Variants in CCDC149 observed in about 807,000 individuals in gnomAD.
CCDC149 encodes coiled-coil domain-containing protein 149.
A neutral mutation model predicts 59.9 loss-of-function variants in CCDC149; 45 were observed. The ratio of observed to expected loss-of-function variants is 0.75; its 90% CI spans 0.59 to 0.96. CCDC149 has a LOEUF of 0.96. Among genes scored for constraint, CCDC149 ranks in the 40% least tolerant of loss-of-function variants. The pLI is 0.00. For synonymous variants in CCDC149, 245 were observed against 260.6 expected (o/e 0.94, Z 0.58); for missense variants, 584 against 664.7 (o/e 0.88, Z 1.33).
exon 1 of CCDC149, chr4:24,980,142 G>C (rs150581732): frequency 2.7e-3 from 416 of 152,336 alleles, no homozygotes; most frequent in African/African-American, 9.5e-3. Flanking sequence ...TTTAAGCGTA[G>C]CATTTTGAGA....
Position 24,879,684 on chromosome 4 carries a change from C to CAA in CCDC149, c.64-2989_64-2988dup, listed in dbSNP as rs34829658. Among the ~76,000 whole-genome samples the CAA allele has an allele frequency of 9.2e-5, 12 of 130,416 alleles. No individual in the cohort carries two copies. The East Asian group carries it at 2.0e-3, about 21-fold the overall frequency. The allele number at this position is 130,416 out of a possible 152,430, so 85.6% of individuals were successfully genotyped here. On this transcript the variant is annotated intron_variant, in intron 1 of 12. Coordinates refer to ENST00000635206, the MANE Select transcript of CCDC149 (RefSeq NM_001330643.2). ...TGGGTGACAGCATAAGACTCCATCTCAAAAAAAAAAAAAAGAAAGAAAAAG... is the reference window on the plus strand; with the variant it reads ...TGGGTGACAGCATAAGACTCCATCTCAAAAAAAAAAAAAAAAGAAAGAAAAAG...
intron 1 of CCDC149, among the ~76,000 whole-genome samples, chr4:24,923,714 G>A (rs760757759): frequency 1.3e-5 from 2 of 152,206 alleles, no homozygotes; most frequent in Admixed American, 6.5e-5. Flanking sequence ...GAGGAGCAGA[G>A]CCTTAGTCAT....
intron 4 of CCDC149, among the ~76,000 whole-genome samples, chr4:24,841,056 A>G (rs1716904318): frequency 6.6e-6 from 1 of 152,124 alleles, no homozygotes; most frequent in Non-Finnish European, 1.5e-5. Flanking sequence ...ACATCACACA[A>G]CTCTTGGCTT....
intron 12 of CCDC149, among the ~76,000 whole-genome samples, chr4:24,819,578 C>A (rs1280672954): frequency 2.0e-5 from 3 of 152,208 alleles, no homozygotes; most frequent in African/African-American, 7.2e-5. Flanking sequence ...ACATCCACCT[C>A]CCAAAGTGCT....
chr4:24,868,353 A>G (rs910905001), intron 3 of CCDC149, among the ~76,000 whole-genome samples: 2 of 152,212 alleles, frequency 1.3e-5, no homozygotes, highest in Middle Eastern at 3.2e-3. Context: ...ACATGCTTAA[A>G]TAAACTAACA....
At chr4:24,812,009 C>T (rs1003353778) in intron 12 of CCDC149, among the ~76,000 whole-genome samples, 2 of 152,188 alleles carry the variant, frequency 1.3e-5, no homozygotes, top group African/African-American at 4.8e-5. Context: ...TGCATCCTTC[C>T]AATCTCTGCT....
intron 1 of CCDC149, among the ~76,000 whole-genome samples, chr4:24,957,902 G>A (rs1403876098): frequency 6.6e-6 from 1 of 152,158 alleles, no homozygotes; most frequent in African/African-American, 2.4e-5. Context: ...GAAGGATGTG[G>A]GTGGACTCCT....
At chr4:24,870,916 G>C (rs1004940801) in intron 3 of CCDC149, among the ~76,000 whole-genome samples, 2 of 151,760 alleles carry the variant, frequency 1.3e-5, no homozygotes, top group African/African-American at 4.8e-5. Flanking sequence ...ATGGTGGCGG[G>C]TGCCTGTAGT....
At chr4:24,871,856 A>G (rs1719062089) in intron 3 of CCDC149, among the ~76,000 whole-genome samples, 1 of 152,238 alleles carries the variant, frequency 6.6e-6, no homozygotes, top group Admixed American at 6.5e-5. Context: ...TCCTTAGTCA[A>G]TGTAAATTTT....
At chr4:24,864,277 C>T (rs1718560321) in intron 3 of CCDC149, among the ~76,000 whole-genome samples, 1 of 152,174 alleles carries the variant, frequency 6.6e-6, no homozygotes, top group South Asian at 2.1e-4. Context: ...TAATCACCAG[C>T]CATTATTCCA....
At chr4:24,854,170 G>A (rs912943951) in intron 3 of CCDC149, among the ~76,000 whole-genome samples, 9 of 152,144 alleles carry the variant, frequency 5.9e-5, no homozygotes, top group African/African-American at 2.2e-4. Flanking sequence ...CGCCCATCTA[G>A]CTACCTATTC....
intron 1 of CCDC149, among the ~76,000 whole-genome samples, chr4:24,979,114 C>T (rs1724349732): frequency 6.6e-6 from 1 of 152,196 alleles, no homozygotes; most frequent in Non-Finnish European, 1.5e-5. Flanking sequence ...CCATGGGGGA[C>T]ATGGATTCAG....
intron 1 of CCDC149, among the ~76,000 whole-genome samples, chr4:24,969,719 G>A (rs549913952): frequency 8.5e-5 from 13 of 152,284 alleles, no homozygotes; most frequent in African/African-American, 2.6e-4. Context: ...GACCTCCTTC[G>A]ACCAGGTATG....
chr4:24,945,915 C>T (rs1329072713), intron 1 of CCDC149, among the ~76,000 whole-genome samples: 2 of 152,164 alleles, frequency 1.3e-5, no homozygotes, highest in African/African-American at 4.8e-5. Context: ...GCCACCATGC[C>T]TGGCAGCCCT....
At chr4:24,829,525 C>CT (rs1203561937) in intron 9 of CCDC149, 1 of 152,058 alleles carries the variant, frequency 6.6e-6, no homozygotes, top group African/African-American at 2.4e-5. Context: ...TGAAATCCAT[C>CT]TTACTTGGAT....
At chr4:24,883,505 T>A (rs368240243) in intron 1 of CCDC149, among the ~76,000 whole-genome samples, 2 of 152,184 alleles carry the variant, frequency 1.3e-5, no homozygotes, top group East Asian at 3.9e-4. Flanking sequence ...GAGATTATGT[T>A]TGATGTGAAT....
chr4:24,811,886 A>T (rs1287650590), intron 12 of CCDC149, among the ~76,000 whole-genome samples: 1 of 152,038 alleles, frequency 6.6e-6, no homozygotes, highest in Non-Finnish European at 1.5e-5. Flanking sequence ...AAAAAAAAAA[A>T]AAAATTTCAC....
chr4:24,840,599 G>C (rs565039915), intron 4 of CCDC149, among the ~76,000 whole-genome samples: 1 of 152,052 alleles, frequency 6.6e-6, no homozygotes, highest in South Asian at 2.1e-4. Flanking sequence ...TCTAGTGAGC[G>C]TCCCACATTT....
intron 1 of CCDC149, among the ~76,000 whole-genome samples, chr4:24,938,835 C>T (rs541599573): frequency 8.6e-5 from 13 of 152,044 alleles, no homozygotes; most frequent in Admixed American, 2.6e-4. Flanking sequence ...AAGGCATCAG[C>T]GAGGCTGGGT....
Sources: allele counts gnomAD v4.1 joint callset (sites outside exome capture counted in the v4.1 genomes callset), GRCh38; gene constraint gnomAD v4.1.1; transcripts MANE v1.5; gene names NCBI Gene and HGNC (gene_info 2026-07-23, HGNC 2026-07-21).